KIRREL3: variants seen among roughly 807,000 people sequenced by gnomAD.
KIRREL3 encodes the protein kin of IRRE-like protein 3.
KIRREL3 carries 36 observed loss-of-function variants against 89.7 expected under a neutral mutation model. The ratio of observed to expected loss-of-function variants is 0.40; its 90% CI spans 0.31 to 0.53. The LOEUF is 0.53. KIRREL3 is among the 20% of genes least tolerant of loss of function. The pLI, the probability that KIRREL3 is intolerant of heterozygous loss-of-function variation, is 0.49. For synonymous variants in KIRREL3, 445 were observed against 441.4 expected (o/e 1.01, Z -0.10); for missense variants, 864 against 1,056.6 (o/e 0.82, Z 2.53).
rs1948816443 is a variant in KIRREL3 at position 126,953,079 on chromosome 11, A to C, written c.55+47376T>G. On this transcript the variant is annotated intron_variant, in intron 1 of 16. Transcript: ENST00000525144. The surrounding 1 kb of genome is among the most constrained non-coding windows in gnomAD (Gnocchi z 5.2). ...TTCACAATAACAAAGACTTGGAACC[A>C]ATCCAAATGCCCATCAGTGATAGAC... Among the ~76,000 whole-genome samples the C allele has an allele frequency of 1.3e-5, 2 of 152,354 alleles. No homozygotes were observed. Among genetic ancestry groups the C allele is most frequent in the South Asian group, 4.2e-4 (2 of 4,818 alleles).
intron 1 of KIRREL3, among the ~76,000 whole-genome samples, chr11:126,922,558 A>G (rs551466328): frequency 6.6e-6 from 1 of 151,844 alleles, no homozygotes; most frequent in Admixed American, 6.6e-5. Context: ...GAATCCCTCC[A>G]TCCTCCACTG....
intron 4 of KIRREL3, among the ~76,000 whole-genome samples, chr11:126,478,892 G>A (rs562673479): frequency 3.8e-4 from 58 of 152,250 alleles, no homozygotes; most frequent in African/African-American, 1.3e-3. Context: ...CTGGGACAGC[G>A]CTGTAGGAAC....
At position 126,948,433 on chromosome 11, in the gene KIRREL3, C is replaced by T. The variant is rs1591369646; in HGVS notation, c.55+52022G>A. Among the ~76,000 whole-genome samples the T allele has an allele frequency of 1.3e-5, 2 of 152,258 alleles. No individual in the cohort carries two copies. The highest frequency in any genetic ancestry group is 3.9e-4 in the East Asian group (2 of 5,172). ...AGAGAGTCAAGTGCTATGCTCAGAGCTAAGAGAACAGCGGGGTAGACTAGA... is the reference window on the plus strand; with the variant it reads ...AGAGAGTCAAGTGCTATGCTCAGAGTTAAGAGAACAGCGGGGTAGACTAGA... On this transcript the variant is annotated intron_variant, in intron 1 of 16. Coordinates refer to ENST00000525144, the MANE Select transcript of KIRREL3 (RefSeq NM_032531.4). This position sits in a 1 kb window ranked among gnomAD's most constrained non-coding sequence, Gnocchi z 4.5.
intron 1 of KIRREL3, among the ~76,000 whole-genome samples, chr11:126,810,971 G>T (rs1200271696): frequency 6.6e-6 from 1 of 152,144 alleles, no homozygotes; most frequent in East Asian, 1.9e-4. Context: ...GTGCAGGGAG[G>T]AGGTGGTACG....
At chr11:126,573,012 G>A (rs1941051207) in intron 1 of KIRREL3, among the ~76,000 whole-genome samples, 1 of 152,222 alleles carries the variant, frequency 6.6e-6, no homozygotes, top group Non-Finnish European at 1.5e-5. Flanking sequence ...GAAGGGGGCA[G>A]AGAGAAGAAC....
rs901333981 is a variant in KIRREL3, at chr11:126,948,874, T to C, written c.55+51581A>G. Reference sequence around the variant, plus strand: ...GAAGTGTCCACATAATCCCCAACCCTACAGCCTCCAAAACATAATCCCATA... The same window carrying C: ...GAAGTGTCCACATAATCCCCAACCCCACAGCCTCCAAAACATAATCCCATA... On this transcript the variant is annotated intron_variant, in intron 1 of 16. Transcript: ENST00000525144. This position sits in a 1 kb window ranked among gnomAD's most constrained non-coding sequence, Gnocchi z 4.5. Among the ~76,000 whole-genome samples, 3 of 152,124 alleles carry C rather than the reference T, an allele frequency of 2.0e-5. No homozygotes were observed. The highest frequency in any genetic ancestry group is 1.3e-4 in the Admixed American group (2 of 15,272).
chr11:126,862,697 G>T (rs140142880), intron 1 of KIRREL3, among the ~76,000 whole-genome samples: 1 of 152,152 alleles, frequency 6.6e-6, no homozygotes, highest in Non-Finnish European at 1.5e-5. Flanking sequence ...TACTCCCACC[G>T]TCCACCCTAA....
chr11:126,868,266 G>A (rs1306167986), intron 1 of KIRREL3, among the ~76,000 whole-genome samples: 1 of 44 alleles, frequency 0.023, no homozygotes, highest in African/African-American at 0.083. Flanking sequence ...CTGCACCAGT[G>A]CGGTCCAGCA....
chr11:126,902,540 T>A (rs1367898320), intron 1 of KIRREL3, among the ~76,000 whole-genome samples: 1 of 152,252 alleles, frequency 6.6e-6, no homozygotes, highest in Non-Finnish European at 1.5e-5. Context: ...TATATCCCCC[T>A]AATGCAGTGA....
rs549751559 is a variant in KIRREL3 at position 126,975,934 on chromosome 11, CCCTCCCTTCCTT to C, written c.55+24509_55+24520del. Among the ~76,000 whole-genome samples, 118 of 102,414 alleles carry C rather than the reference CCCTCCCTTCCTT, an allele frequency of 1.2e-3. 1 individual carries two copies. In the South Asian group the frequency reaches 0.041, roughly 36 times the overall value. The allele number at this position is 102,414 out of a possible 152,430, so 67.2% of individuals were successfully genotyped here. A position where few individuals can be genotyped will look rare whatever the true frequency, so the allele number is the denominator to read the frequency against. On this transcript the variant is annotated intron_variant, in intron 1 of 16. Transcript: ENST00000525144. ...TCCCTCCCTTCCTCCCTCCCTCCCT[CCCTCCCTTCCTT>C]CCTTCCCTCCGTCCCCATATCCAAG...
intron 1 of KIRREL3, among the ~76,000 whole-genome samples, chr11:126,695,758 G>A (rs1485732681): frequency 6.6e-6 from 1 of 152,220 alleles, no homozygotes; most frequent in Non-Finnish European, 1.5e-5. Flanking sequence ...GAGAGGGGAA[G>A]GAGGCAGGGA....
rs1957515275 is a variant in KIRREL3, at chr11:126,491,546, C to A, written c.434-18080G>T. ...TCGAGGTCTGGGGCAGGTAAGGAGGCCATATCAGGAACACCTGCCCATGTC... is the reference window on the plus strand; with the variant it reads ...TCGAGGTCTGGGGCAGGTAAGGAGGACATATCAGGAACACCTGCCCATGTC... On this transcript the variant is annotated intron_variant, in intron 4 of 16. Coordinates refer to ENST00000525144, the MANE Select transcript of KIRREL3 (RefSeq NM_032531.4). This position sits in a 1 kb window ranked among gnomAD's most constrained non-coding sequence, Gnocchi z 5.5. Among the ~76,000 whole-genome samples, 1 of 152,044 alleles carries A rather than the reference C, an allele frequency of 6.6e-6. No homozygotes were observed. Among genetic ancestry groups the A allele is most frequent in the Non-Finnish European group, 1.5e-5 (1 of 68,010 alleles).
intron 1 of KIRREL3, among the ~76,000 whole-genome samples, chr11:126,925,476 G>A (rs568706109): frequency 6.7e-4 from 102 of 152,300 alleles, no homozygotes; most frequent in Middle Eastern, 6.8e-3. Flanking sequence ...GGGGATTTAC[G>A]AACTAAATGG....
upstream of KIRREL3, chr11:127,001,312 G>GGT (rs1286314342): frequency 1.0e-5 from 1 of 100,174 alleles, no homozygotes; most frequent in Non-Finnish European, 2.0e-5. Flanking sequence ...GGGTGGTTGT[G>GGT]GTGGGGGGGG....
rs915358122 is a variant in KIRREL3 at position 126,768,712 on chromosome 11, G to C, written c.56-205800C>G. On this transcript the variant is annotated intron_variant, in intron 1 of 16. Transcript: ENST00000525144. The surrounding 1 kb of genome is among the most constrained non-coding windows in gnomAD (Gnocchi z 4.5). ...GAAAGAGAGTTCCAAGCAGCTGGAAGAGCAAGTGCAAAGGTCCTAAGGTGA... is the reference window on the plus strand; with the variant it reads ...GAAAGAGAGTTCCAAGCAGCTGGAACAGCAAGTGCAAAGGTCCTAAGGTGA... Among the ~76,000 whole-genome samples, 4 of 152,186 alleles carry C rather than the reference G, an allele frequency of 2.6e-5. No individual in the cohort carries two copies. The highest frequency in any genetic ancestry group is 9.7e-5 in the African/African-American group (4 of 41,444).
rs772698842 is a variant in KIRREL3, at chr11:126,463,670, G to C, written c.592-363C>G. 1.4e-4 allele frequency among the ~76,000 whole-genome samples: 22 copies of C among 152,226 alleles called. No individual in the cohort carries two copies. In the South Asian group the frequency reaches 1.9e-3, roughly 13 times the overall value. ...TCACATCTTTTTGCCTCTGGTGCTT[G>C]AGTGACAGTCTCAGGCTCTGTAGGA... On this transcript the variant is annotated intron_variant, in intron 5 of 16. Transcript: ENST00000525144. This position sits in a 1 kb window ranked among gnomAD's most constrained non-coding sequence, Gnocchi z 5.9.
chr11:126,681,862 A>G (rs1946472374), intron 1 of KIRREL3: 1 of 455,018 alleles, frequency 2.2e-6, no homozygotes, highest in Non-Finnish European at 4.4e-6. Flanking sequence ...AAGGACAAGA[A>G]GTACTTTGCA....
intron 1 of KIRREL3, among the ~76,000 whole-genome samples, chr11:126,926,672 A>T (rs1565428843): frequency 6.6e-6 from 1 of 152,178 alleles, no homozygotes; most frequent in Non-Finnish European, 1.5e-5. Context: ...GCTTGAAAGG[A>T]ACTGCAAATC....
rs565758017 is a variant in KIRREL3, at chr11:126,471,927, C to T, written c.591+1382G>A. 6.6e-6 allele frequency among the ~76,000 whole-genome samples: 1 copy of T among 152,102 alleles called. No individual in the cohort carries two copies. Among genetic ancestry groups the T allele is most frequent in the Non-Finnish European group, 1.5e-5 (1 of 68,020 alleles). On this transcript the variant is annotated intron_variant, in intron 5 of 16. Transcript: ENST00000525144. This position sits in a 1 kb window ranked among gnomAD's most constrained non-coding sequence, Gnocchi z 5.4. ...TCGTGTGTGAATTAGAGACCAGAACCCCTGTTGGTAGACACAGCAGGGCAA... is the reference window on the plus strand; with the variant it reads ...TCGTGTGTGAATTAGAGACCAGAACTCCTGTTGGTAGACACAGCAGGGCAA...
Sources: allele counts gnomAD v4.1 joint callset (sites outside exome capture counted in the v4.1 genomes callset), GRCh38; gene constraint gnomAD v4.1.1; non-coding constraint Gnocchi (gnomAD v3.1); transcripts MANE v1.5; gene names NCBI Gene and HGNC (gene_info 2026-07-23, HGNC 2026-07-21).